The following ADAMTSL1 variants were observed in gnomAD, a reference collection of about 807,000 sequenced individuals.
ADAMTSL1 encodes ADAMTS-like protein 1.
In ADAMTSL1, 126 loss-of-function variants were observed where a neutral mutation model predicts 201.8. The ratio of observed to expected loss-of-function variants is 0.62; its 90% CI spans 0.54 to 0.72. ADAMTSL1 has a LOEUF of 0.72. Among genes scored for constraint, ADAMTSL1 ranks in the 30% least tolerant of loss-of-function variants. The pLI is 0.00. For synonymous variants in ADAMTSL1, 1,121 were observed against 903.4 expected, an observed-to-expected ratio of 1.24 and a Z score of -4.32; for missense variants, 2,679 against 2,277.8, an observed-to-expected ratio of 1.18 and a Z score of -3.59.
At chr9:18,385,166 T>C (rs1438353222) in intron 2 of ADAMTSL1, among the ~76,000 whole-genome samples, 1 of 152,148 alleles carries the variant, frequency 6.6e-6, no homozygotes, top group Non-Finnish European at 1.5e-5. Flanking sequence ...TCTGGGCTAT[T>C]TTTCTCTTTT....
intron 1 of ADAMTSL1, among the ~76,000 whole-genome samples, chr9:18,114,357 T>A (rs1269011500): frequency 3.3e-5 from 5 of 152,070 alleles, no homozygotes; most frequent in African/African-American, 1.2e-4. Flanking sequence ...AGAAAATGAG[T>A]TTGACCTGAC....
chr9:18,060,693 A>G (rs530144299), intron 1 of ADAMTSL1, among the ~76,000 whole-genome samples: 13 of 152,192 alleles, frequency 8.5e-5, no homozygotes, highest in Admixed American at 3.3e-4. Context: ...GTTAACTACT[A>G]TTAATAATTC....
chr9:17,940,175 C>T (rs577536901), intron 1 of ADAMTSL1, among the ~76,000 whole-genome samples: 1 of 152,140 alleles, frequency 6.6e-6, no homozygotes, highest in East Asian at 1.9e-4. Flanking sequence ...TTGTTTAATG[C>T]TTTTGTTTGC....
chr9:18,329,730 T>G (rs1198449439), intron 2 of ADAMTSL1, among the ~76,000 whole-genome samples: 2 of 152,228 alleles, frequency 1.3e-5, no homozygotes, highest in African/African-American at 4.8e-5. Context: ...GTCTTTCCTC[T>G]GAATATATGG....
intron 23 of ADAMTSL1, among the ~76,000 whole-genome samples, chr9:18,857,248 T>A (rs1826917224): frequency 6.6e-6 from 1 of 152,232 alleles, no homozygotes; most frequent in Non-Finnish European, 1.5e-5. Flanking sequence ...AATACCTCAT[T>A]GCCCAGTGCA....
chr9:18,007,271 TTG>T (rs1457022644), intron 1 of ADAMTSL1, among the ~76,000 whole-genome samples: 1 of 152,068 alleles, frequency 6.6e-6, no homozygotes, highest in East Asian at 1.9e-4. Flanking sequence ...AATGCTGCTC[TTG>T]ATGTTTCTCT....
intron 9 of ADAMTSL1, among the ~76,000 whole-genome samples, chr9:18,675,167 C>G (rs562062751): frequency 2.0e-5 from 3 of 152,166 alleles, no homozygotes; most frequent in Non-Finnish European, 4.4e-5. Flanking sequence ...GCAGTTAACA[C>G]TGTACAATAT....
chr9:18,179,001 C>G (rs1801221484), intron 2 of ADAMTSL1, among the ~76,000 whole-genome samples: 1 of 152,252 alleles, frequency 6.6e-6, no homozygotes, highest in South Asian at 2.1e-4. Context: ...CAGTTCCTCA[C>G]CAGCAACAGA....
chr9:18,767,844 G>T (rs1820454513), intron 16 of ADAMTSL1, among the ~76,000 whole-genome samples: 1 of 152,166 alleles, frequency 6.6e-6, no homozygotes, highest in African/African-American at 2.4e-5. Flanking sequence ...GAAGACAAAG[G>T]CTTAGGCCAG....
At chr9:17,998,830 C>G (rs1034438362) in intron 1 of ADAMTSL1, among the ~76,000 whole-genome samples, 8 of 151,998 alleles carry the variant, frequency 5.3e-5, no homozygotes, top group Non-Finnish European at 8.8e-5. Flanking sequence ...CCTGTTTTAT[C>G]TCCTGGATGC....
At chr9:18,249,334 C>A (rs1024025678) in intron 2 of ADAMTSL1, among the ~76,000 whole-genome samples, 3 of 152,164 alleles carry the variant, frequency 2.0e-5, no homozygotes, top group Non-Finnish European at 4.4e-5. Context: ...GTTTGAGTCT[C>A]AGCTTATTAC....
intron 14 of ADAMTSL1, among the ~76,000 whole-genome samples, chr9:18,720,209 C>G (rs1053864408): frequency 6.6e-6 from 1 of 152,116 alleles, no homozygotes; most frequent in African/African-American, 2.4e-5. Context: ...AATATTAAGT[C>G]TATCAGTCAG....
intron 7 of ADAMTSL1, among the ~76,000 whole-genome samples, chr9:18,648,690 T>G (rs913431609): frequency 1.3e-5 from 2 of 152,010 alleles, no homozygotes; most frequent in African/African-American, 4.8e-5. Context: ...GAAAATTCTT[T>G]TCTTTAAGAA....
At chr9:17,930,544 C>G (rs895358283) in intron 1 of ADAMTSL1, among the ~76,000 whole-genome samples, 2 of 152,112 alleles carry the variant, frequency 1.3e-5, no homozygotes, top group Admixed American at 1.3e-4. Flanking sequence ...ACAAACTGGT[C>G]TCTGGCACAT....
chr9:18,027,859 G>A (rs1218588284), intron 1 of ADAMTSL1, among the ~76,000 whole-genome samples: 6 of 151,978 alleles, frequency 3.9e-5, no homozygotes, highest in Non-Finnish European at 8.8e-5. Flanking sequence ...ATTTTTATAG[G>A]TATAGAAGTA....
At chr9:18,902,249 A>C (rs1830054407) in intron 26 of ADAMTSL1, among the ~76,000 whole-genome samples, 1 of 152,232 alleles carries the variant, frequency 6.6e-6, no homozygotes, top group African/African-American at 2.4e-5. Context: ...ACAATACTAT[A>C]AACCAATTGG....
intron 2 of ADAMTSL1, among the ~76,000 whole-genome samples, chr9:18,353,202 G>A (rs1836053816): frequency 6.6e-6 from 1 of 152,210 alleles, no homozygotes; most frequent in Non-Finnish European, 1.5e-5. Flanking sequence ...GATATTATTT[G>A]TAGTGCTTCT....
chr9:18,726,361 G>T (rs1817893066), intron 15 of ADAMTSL1, among the ~76,000 whole-genome samples: 1 of 151,790 alleles, frequency 6.6e-6, no homozygotes, highest in Non-Finnish European at 1.5e-5. Flanking sequence ...AAATTAGCTG[G>T]GTGTGTGTTG....
chr9:18,874,900 C>CT (rs113636757), intron 23 of ADAMTSL1, among the ~76,000 whole-genome samples: 2 of 151,572 alleles, frequency 1.3e-5, no homozygotes, highest in Non-Finnish European at 2.9e-5. Context: ...TGGTCCTGGA[C>CT]TTTTTTTTGT....
Sources: allele counts gnomAD v4.1 joint callset (sites outside exome capture counted in the v4.1 genomes callset), GRCh38; gene constraint gnomAD v4.1.1; transcripts MANE v1.5; gene names NCBI Gene and HGNC (gene_info 2026-07-23, HGNC 2026-07-21).